TNNI3K: variants seen among roughly 807,000 people sequenced by gnomAD.
TNNI3K encodes the protein TNNI3 interacting kinase.
In TNNI3K, 140 loss-of-function variants were observed where a neutral mutation model predicts 114.5. That is an observed-to-expected ratio of 1.22 (90% CI 1.07 to 1.41). The LOEUF (loss-of-function observed/expected upper bound fraction) is 1.41. TNNI3K is among the 40% of genes most tolerant of loss of function. TNNI3K has a pLI of 0.00. For synonymous variants in TNNI3K, 347 were observed against 347.5 expected (o/e 1.00, Z 0.02); for missense variants, 1,125 against 1,007.6 (o/e 1.12, Z -1.58).
rs370112714 is a variant in TNNI3K at position 74,327,643 on chromosome 1, CTT to C, written c.445-3803_445-3802del. 7.0e-3 allele frequency among the ~76,000 whole-genome samples: 800 copies of C among 113,666 alleles called. 12 individuals are homozygous for C. Among genetic ancestry groups the C allele is most frequent in the African/African-American group, 0.02 (767 of 37,946 alleles). 74.6% of individuals were successfully genotyped at this position (113,666 alleles called of 152,430 possible). A position where few individuals can be genotyped will look rare whatever the true frequency, so the allele number is the denominator to read the frequency against. Reference sequence around the variant, plus strand: ...TAGTATTATTATATGTCAGATATGTCTTTTTATATATCAGTACTATTATTATT... The same window carrying C: ...TAGTATTATTATATGTCAGATATGTCTTTATATATCAGTACTATTATTATT... On this transcript the variant is annotated intron_variant, in intron 5 of 24. Coordinates refer to ENST00000326637, the MANE Select transcript of TNNI3K (RefSeq NM_015978.3).
At chr1:74,250,828 A>AG in intron 4 of TNNI3K, 59 bp downstream of exon 4, 1 of 902,462 alleles carries the variant, frequency 1.1e-6, no homozygotes. Context: ...GTGTATCTTT[A>AG]GGCTTTTTTT....
intron 21 of TNNI3K, among the ~76,000 whole-genome samples, chr1:74,467,000 C>T (rs1470843652): frequency 1.3e-5 from 2 of 152,222 alleles, no homozygotes; most frequent in African/African-American, 2.4e-5. Context: ...AGACTATATA[C>T]TAAAACAATA....
At chr1:74,524,881 G>C (rs1646483005) in intron 23 of TNNI3K, among the ~76,000 whole-genome samples, 1 of 152,186 alleles carries the variant, frequency 6.6e-6, no homozygotes, top group South Asian at 2.1e-4. Context: ...TGGGCAGAGA[G>C]GTAACATCAT....
rs61006459 is a variant in TNNI3K, at chr1:74,352,407, C to T, written c.933-859C>T. 4.2e-3 allele frequency among the ~76,000 whole-genome samples: 637 copies of T among 152,262 alleles called. 3 individuals are homozygous for T. Among genetic ancestry groups the T allele is most frequent in the African/African-American group, 0.014 (595 of 41,542 alleles). On this transcript the variant is annotated intron_variant, in intron 9 of 24. Coordinates refer to ENST00000326637, the MANE Select transcript of TNNI3K (RefSeq NM_015978.3). ...GGGGATGCCTCCCAGTTAGGCTACTCGGGGGTCAGGGACCCACTTGAGGAG... is the reference window on the plus strand; with the variant it reads ...GGGGATGCCTCCCAGTTAGGCTACTTGGGGGTCAGGGACCCACTTGAGGAG...
chr1:74,309,070 T>A (rs1450632457), intron 5 of TNNI3K, among the ~76,000 whole-genome samples: 1 of 151,796 alleles, frequency 6.6e-6, no homozygotes, highest in African/African-American at 2.4e-5. Context: ...TTCTTCCAGG[T>A]GTAAAAAGAA....
intron 23 of TNNI3K, among the ~76,000 whole-genome samples, chr1:74,518,561 G>T (rs905961611): frequency 1.3e-5 from 2 of 152,088 alleles, no homozygotes; most frequent in Non-Finnish European, 2.9e-5. Context: ...GATCTCAGTG[G>T]ATTCTACTAA....
chr1:74,510,181 G>A (rs1228567055), intron 23 of TNNI3K, among the ~76,000 whole-genome samples: 2 of 152,148 alleles, frequency 1.3e-5, no homozygotes, highest in Non-Finnish European at 2.9e-5. Flanking sequence ...CCTGAGATCA[G>A]TAGTAGAGAG....
intron 13 of TNNI3K, 103 bp from the exon 14 acceptor site, chr1:74,368,918 TA>T: frequency 1.0e-6 from 1 of 972,370 alleles, no homozygotes; most frequent in Non-Finnish European, 1.4e-6. Context: ...AATTAAATGT[TA>T]TTAGGAAATT....
intron 21 of TNNI3K, among the ~76,000 whole-genome samples, chr1:74,479,914 C>G (rs1179700879): frequency 6.6e-6 from 1 of 152,234 alleles, no homozygotes; most frequent in Non-Finnish European, 1.5e-5. Context: ...GCTATTTATA[C>G]CAGGGCTGGA....
At chr1:74,278,539 C>G (rs543945753) in intron 5 of TNNI3K, among the ~76,000 whole-genome samples, 15 of 152,238 alleles carry the variant, frequency 9.9e-5, no homozygotes, top group Non-Finnish European at 2.1e-4. Flanking sequence ...TTTGTATGGT[C>G]CCCATTCTTT....
intron 4 of TNNI3K, among the ~76,000 whole-genome samples, chr1:74,251,520 C>T (rs1022394311): frequency 4.6e-5 from 7 of 152,102 alleles, no homozygotes; most frequent in South Asian, 2.1e-4. Context: ...CAATTAAAGA[C>T]TAAAGTAGAT....
intron 21 of TNNI3K, chr1:74,472,116 A>G: frequency 2.8e-6 from 2 of 717,250 alleles, no homozygotes; most frequent in South Asian, 1.5e-5. Flanking sequence ...GCCATGATTC[A>G]TTTGTTAAAC....
intron 6 of TNNI3K, among the ~76,000 whole-genome samples, chr1:74,335,107 A>C (rs1332500792): frequency 1.3e-5 from 2 of 152,198 alleles, no homozygotes; most frequent in African/African-American, 4.8e-5. Flanking sequence ...TACAGAACAA[A>C]TACTGTATGT....
Position 74,494,049 on chromosome 1 carries a change from T to A in TNNI3K, c.2351+1783T>A, listed in dbSNP as rs564203028. ...AGCAAAGAAGGCAGTCACTGTGAGC[T>A]TCATAGATACCCTGAAGAGTGCATA... On this transcript the variant is annotated intron_variant, in intron 23 of 24. Coordinates refer to ENST00000326637, the MANE Select transcript of TNNI3K (RefSeq NM_015978.3). 9.2e-5 allele frequency among the ~76,000 whole-genome samples: 14 copies of A among 152,218 alleles called. No individual in the cohort carries two copies. In the South Asian group the frequency reaches 2.7e-3, roughly 29 times the overall value.
chr1:74,269,411 G>T (rs1557463311), intron 4 of TNNI3K, among the ~76,000 whole-genome samples: 1 of 151,780 alleles, frequency 6.6e-6, no homozygotes, highest in South Asian at 2.1e-4. Flanking sequence ...GCATATAAAG[G>T]GTATATTGAA....
intron 21 of TNNI3K, among the ~76,000 whole-genome samples, chr1:74,484,717 G>C (rs890061952): frequency 6.6e-6 from 1 of 152,082 alleles, no homozygotes; most frequent in Non-Finnish European, 1.5e-5. Context: ...AGGAAGAGTA[G>C]GGCACAGAAT....
intron 5 of TNNI3K, among the ~76,000 whole-genome samples, chr1:74,295,759 T>C (rs1344244128): frequency 6.6e-6 from 1 of 152,182 alleles, no homozygotes; most frequent in Admixed American, 6.5e-5. Flanking sequence ...ATTGTGTCTC[T>C]TGTAAGAAAT....
intron 4 of TNNI3K, among the ~76,000 whole-genome samples, chr1:74,251,654 A>C (rs1371360842): frequency 6.6e-6 from 1 of 152,044 alleles, no homozygotes; most frequent in Middle Eastern, 3.2e-3. Context: ...ACAGAATTTT[A>C]TTTCAGTTTT....
chr1:74,347,774 T>A (rs1661098300), intron 9 of TNNI3K, among the ~76,000 whole-genome samples: 2 of 152,228 alleles, frequency 1.3e-5, no homozygotes, highest in Admixed American at 1.3e-4. Context: ...TTTTTTCATG[T>A]GTTTTTTGGC....
Sources: allele counts gnomAD v4.1 joint callset (sites outside exome capture counted in the v4.1 genomes callset), GRCh38; gene constraint gnomAD v4.1.1; transcripts MANE v1.5; gene names NCBI Gene and HGNC (gene_info 2026-07-23, HGNC 2026-07-21).